ALDOC: variants seen among roughly 807,000 people sequenced by gnomAD.
The protein encoded by ALDOC is fructose-bisphosphate aldolase C.
ALDOC carries 23 observed loss-of-function variants against 39.5 expected under a neutral mutation model. The ratio of observed to expected loss-of-function variants is 0.58; its 90% CI spans 0.42 to 0.82. ALDOC has a LOEUF of 0.82. ALDOC is among the 40% of genes least tolerant of loss of function. ALDOC has a pLI of 0.00. For missense variants in ALDOC, 356 were observed against 479.1 expected, an observed-to-expected ratio of 0.74 and a Z score of 2.40; for synonymous variants, 160 against 182.6, an observed-to-expected ratio of 0.88 and a Z score of 1.00.
At position 28,575,137 on chromosome 17, in the gene ALDOC, C is replaced by T. The variant is rs745471225; in HGVS notation, c.310G>A (p.Val104Ile). 15 of 1,614,060 alleles carry T rather than the reference C, an allele frequency of 9.3e-6. No individual in the cohort carries two copies. The East Asian group carries it at 1.1e-4, about 12-fold the overall frequency. ...AGGGGCTGCACCTTGATGCCCACGACGATGCCCTTATCCTGGATGGTTCGG... is the reference window on the plus strand; with the variant it reads ...AGGGGCTGCACCTTGATGCCCACGATGATGCCCTTATCCTGGATGGTTCGG... The part of the protein sequence containing the change: ...FVRTIQDKGI[V>I]VGIKVDKGVV... The change falls in exon 3 of 9, where the codon GTC (valine) becomes ATC (isoleucine). Residue 104 changes from valine (V) to isoleucine (I), a missense_variant. Physicochemically the swap from Val to Ile is conservative, Grantham distance 29. Coordinates refer to ENST00000226253, the MANE Select transcript of ALDOC (RefSeq NM_005165.3). This position sits in a 1 kb window ranked among gnomAD's most constrained non-coding sequence, Gnocchi z 4.3.
In ALDOC at chr17:28,575,968, C is replaced by T; in HGVS notation, c.-12-424G>A. 1 of 1,016,000 alleles carries T rather than the reference C, an allele frequency of 9.8e-7. No homozygotes were observed. Among genetic ancestry groups the T allele is most frequent in the Non-Finnish European group, 1.2e-6 (1 of 847,264 alleles). The allele number at this position is 1,016,000 out of a possible 1,614,324, so 62.9% of individuals were successfully genotyped here. On this transcript the variant is annotated intron_variant, in intron 1 of 8. Transcript: ENST00000226253. This position sits in a 1 kb window ranked among gnomAD's most constrained non-coding sequence, Gnocchi z 4.3. ...CCCCTAGGGAAAGTGTACTTACTTC[C>T]AAGGCTTCAGAATGAGGCAAAAGTA...
Position 28,573,536 on chromosome 17 carries a change from T to C in ALDOC, c.1085A>G (p.His362Arg). Residue 362 changes from histidine (H) to arginine (R), a missense_variant, in exon 9 of 9, where the codon CAT becomes CGT. Physicochemically the swap from His to Arg is conservative, Grantham distance 29. Transcript: ENST00000226253. This position sits in a 1 kb window ranked among gnomAD's most constrained non-coding sequence, Gnocchi z 4.3. ...AAAQSLYIAN[H>R]AY ...GTATGGAGTGGATACTCAGTAGGCA[T>C]GGTTGGCAATGTAGAGTGACTGTGC... 10 of 1,614,112 alleles carry C rather than the reference T, an allele frequency of 6.2e-6. No individual in the cohort carries two copies. Among genetic ancestry groups the C allele is most frequent in the Non-Finnish European group, 7.6e-6 (9 of 1,179,972 alleles).
Position 28,573,858 on chromosome 17 carries a change from A to C in ALDOC, c.876T>G (p.Leu292=), listed in dbSNP as rs1597589661. 1 of 1,614,194 alleles carries C rather than the reference A, an allele frequency of 6.2e-7. No individual in the cohort carries two copies. Among genetic ancestry groups the C allele is most frequent in the Non-Finnish European group, 8.5e-7 (1 of 1,180,028 alleles). ...FNLNAINRCP[L]PRPWALTFSY... ...AGAAGGTAAGCGCCCAGGGTCGGGG[A>C]AGGGGGCAGCGGTTGATGGCATTGA... Residue 292 remains leucine (L), a synonymous_variant, in exon 8 of 9, where the codon CTT becomes CTG. Coordinates refer to ENST00000226253, the MANE Select transcript of ALDOC (RefSeq NM_005165.3). This position sits in a 1 kb window ranked among gnomAD's most constrained non-coding sequence, Gnocchi z 4.3.
In ALDOC at chr17:28,575,209, A is replaced by G; in HGVS notation, c.238T>C (p.Phe80Leu). Reference protein sequence around the residue: ...VKKCIGGVIFFHETLYQKDDN... With the variant: ...VKKCIGGVIFLHETLYQKDDN... ...TCTTTCTGGTAGAGGGTCTCATGGA[A>G]GAAAATGACGCCTCCAATGCACTTT... Residue 80 changes from phenylalanine (F) to leucine (L), a missense_variant, in exon 3 of 9, where the codon TTC (phenylalanine) becomes CTC (leucine). By Grantham distance (22) the Phe-to-Leu change is conservative. Coordinates refer to ENST00000226253, the MANE Select transcript of ALDOC (RefSeq NM_005165.3). This position sits in a 1 kb window ranked among gnomAD's most constrained non-coding sequence, Gnocchi z 4.3. 6.2e-7 allele frequency: 1 copy of G among 1,614,146 alleles called. No homozygotes were observed. Among genetic ancestry groups the G allele is most frequent in the Non-Finnish European group, 8.5e-7 (1 of 1,180,052 alleles).
Position 28,573,640 on chromosome 17 carries a change from A to C in ALDOC, c.1000-19T>G, listed in dbSNP as rs780510976. 6.2e-7 allele frequency: 1 copy of C among 1,614,116 alleles called. No individual in the cohort carries two copies. Among genetic ancestry groups the C allele is most frequent in the South Asian group, 1.1e-5 (1 of 91,090 alleles). On this transcript the variant is annotated intron_variant, in intron 8 of 8. Coordinates refer to ENST00000226253, the MANE Select transcript of ALDOC (RefSeq NM_005165.3). The surrounding 1 kb of genome is among the most constrained non-coding windows in gnomAD (Gnocchi z 4.3). ...CATTCACCTGCAAAAGGGAGCGTGGAGTAAGCAGGCTGAGCCAGCCCACAG... is the reference window on the plus strand; with the variant it reads ...CATTCACCTGCAAAAGGGAGCGTGGCGTAAGCAGGCTGAGCCAGCCCACAG...
intron 1 of ALDOC, 114 bp downstream of exon 1, chr17:28,576,687 A>C: frequency 3.3e-6 from 2 of 601,300 alleles, no homozygotes; most frequent in Non-Finnish European, 4.2e-6. Context: ...AGATGTTAGG[A>C]AAGGGTCGAA....
Position 28,573,498 on chromosome 17 carries a change from G to A in ALDOC, c.*28C>T. 6.2e-7 allele frequency: 1 copy of A among 1,608,948 alleles called. No homozygotes were observed. Among genetic ancestry groups the A allele is most frequent in the Non-Finnish European group, 8.5e-7 (1 of 1,175,396 alleles). Reference sequence around the variant, plus strand: ...AGCAAAAGTGGGTGCAGATGGCTGGGCCAAGGGCTGTGGTATGGAGTGGAT... The same window carrying A: ...AGCAAAAGTGGGTGCAGATGGCTGGACCAAGGGCTGTGGTATGGAGTGGAT... On this transcript the variant is annotated 3_prime_UTR_variant, in exon 9 of 9. Coordinates refer to ENST00000226253, the MANE Select transcript of ALDOC (RefSeq NM_005165.3). This position sits in a 1 kb window ranked among gnomAD's most constrained non-coding sequence, Gnocchi z 4.3.
In ALDOC at chr17:28,574,237, A is replaced by G. The variant is rs1176633857; in HGVS notation, c.629T>C (p.Leu210Ser). ...ACTCAGGGCCTTGTACACAGCAGCC[A>G]AGACCTGGGTGGGGATTAGAGGAGG... is the stretch of plus-strand genomic sequence containing the variant. The part of the protein sequence containing the change: ...KRCQYVTEKV[L>S]AAVYKALSDH... Residue 210 changes from leucine (L) to serine (S), a missense_variant, in exon 7 of 9, where the codon TTG (leucine) becomes TCG (serine). By Grantham distance (145) the Leu-to-Ser change is moderately radical (BLOSUM62 -2). Coordinates refer to ENST00000226253, the MANE Select transcript of ALDOC (RefSeq NM_005165.3). 2 of 1,585,746 alleles carry G rather than the reference A, an allele frequency of 1.3e-6. No individual in the cohort carries two copies. Among genetic ancestry groups the G allele is most frequent in the African/African-American group, 1.4e-5 (1 of 74,030 alleles).
rs2070498663 is a variant in ALDOC at position 28,576,828 on chromosome 17, C to T, written c.-40G>A. ...GTGCGCAGCCAGTTAGCAGCCGCAGCCACAAGCACAGCTCGGGTTCTGATC... is the reference window on the plus strand; with the variant it reads ...GTGCGCAGCCAGTTAGCAGCCGCAGTCACAAGCACAGCTCGGGTTCTGATC... On this transcript the variant is annotated 5_prime_UTR_variant, in exon 1 of 9. Coordinates refer to ENST00000226253, the MANE Select transcript of ALDOC (RefSeq NM_005165.3). 2.0e-6 allele frequency: 2 copies of T among 985,340 alleles called. No individual in the cohort carries two copies. The highest frequency in any genetic ancestry group is 1.7e-5 in the African/African-American group (1 of 57,240). 61.0% of individuals were successfully genotyped at this position (985,340 alleles called of 1,614,324 possible).
chr17:28,573,859 AG>A lies in ALDOC; in HGVS notation c.874del (p.Leu292PhefsTer43), dbSNP rs1255394962. 6.2e-7 allele frequency: 1 copy of A among 1,614,206 alleles called. No homozygotes were observed. The highest frequency in any genetic ancestry group is 2.2e-5 in the East Asian group (1 of 44,888). ...GAAGGTAAGCGCCCAGGGTCGGGGA[AG>A]GGGGCAGCGGTTGATGGCATTGAGG... ...FNLNAINRCP[L>X]PRPWALTFSY... On this transcript the variant is annotated frameshift_variant, in exon 8 of 9. Transcript: ENST00000226253. LOFTEE classifies it high-confidence loss of function. The surrounding 1 kb of genome is among the most constrained non-coding windows in gnomAD (Gnocchi z 4.3).
chr17:28,574,718 C>A lies in ALDOC; in HGVS notation c.518G>T (p.Arg173Leu). The change falls in exon 5 of 9, where the codon CGT (arginine) becomes CTT (leucine). Residue 173 changes from arginine to leucine, a missense_variant. Physicochemically the swap from Arg to Leu is moderately radical, Grantham distance 102. Coordinates refer to ENST00000226253, the MANE Select transcript of ALDOC (RefSeq NM_005165.3). ...AILENANVLA[R>L]YASICQQNGI... Reference sequence around the variant, plus strand: ...CACCTGCTGGCAGATACTGGCATAACGGGCCAGCACGTTGGCGTTCTCCAG... The same window carrying A: ...CACCTGCTGGCAGATACTGGCATAAAGGGCCAGCACGTTGGCGTTCTCCAG... 1 of 1,614,174 alleles carries A rather than the reference C, an allele frequency of 6.2e-7. No individual in the cohort carries two copies. Among genetic ancestry groups the A allele is most frequent in the South Asian group, 1.1e-5 (1 of 91,086 alleles).
rs1397234622 is a variant in ALDOC, at chr17:28,575,374, G to A, written c.113-40C>T. 6.2e-7 allele frequency: 1 copy of A among 1,614,150 alleles called. No individual in the cohort carries two copies. Among genetic ancestry groups the A allele is most frequent in the Non-Finnish European group, 8.5e-7 (1 of 1,180,022 alleles). On this transcript the variant is annotated intron_variant, in intron 2 of 8. Transcript: ENST00000226253. The surrounding 1 kb of genome is among the most constrained non-coding windows in gnomAD (Gnocchi z 4.3). ...AGAGAGGCAGTGAGAACATCCCCAG[G>A]GTCCCCTAGCCACCTGTACCCTACC...
rs377287523 is a variant in ALDOC, at chr17:28,574,063, G to T, written c.799+4C>A. Reference sequence around the variant, plus strand: ...TAGGAGCAGGTTAGGGAGCTGGGTAGTACCTGGGACAGCTGGGGGCACAGT... The same window carrying T: ...TAGGAGCAGGTTAGGGAGCTGGGTATTACCTGGGACAGCTGGGGGCACAGT... On this transcript the variant is annotated splice_donor_region_variant and intron_variant, in intron 7 of 8. Coordinates refer to ENST00000226253, the MANE Select transcript of ALDOC (RefSeq NM_005165.3). 2 of 1,595,430 alleles carry T rather than the reference G, an allele frequency of 1.3e-6. No individual in the cohort carries two copies. The highest frequency in any genetic ancestry group is 1.7e-4 in the Middle Eastern group (1 of 5,970).
chr17:28,575,165 GA>G lies in ALDOC; in HGVS notation c.281del (p.Phe94SerfsTer23). On this transcript the variant is annotated frameshift_variant, in exon 3 of 9. Coordinates refer to ENST00000226253, the MANE Select transcript of ALDOC (RefSeq NM_005165.3). LOFTEE classifies it high-confidence loss of function. This position sits in a 1 kb window ranked among gnomAD's most constrained non-coding sequence, Gnocchi z 4.3. ...TGCCCTTATCCTGGATGGTTCGGAC[GA>G]AGGGAACACCATTATCATCTTTCTG... is the stretch of plus-strand genomic sequence containing the variant. ...LYQKDDNGVP[F>X]VRTIQDKGIV... 1 of 1,614,166 alleles carries G rather than the reference GA, an allele frequency of 6.2e-7. No individual in the cohort carries two copies. The highest frequency in any genetic ancestry group is 2.2e-5 in the East Asian group (1 of 44,886).
intron 7 of ALDOC, 60 bp downstream of exon 7, chr17:28,574,007 A>C: frequency 6.2e-7 from 1 of 1,605,778 alleles, no homozygotes; most frequent in Non-Finnish European, 8.5e-7. Context: ...CCTGAAGGCC[A>C]CAAGAAGGAC....
chr17:28,574,616 G>A (rs774924303), intron 5 of ALDOC, 39 bp from the exon 6 acceptor site: 13 of 1,613,678 alleles, frequency 8.1e-6, no homozygotes, highest in African/African-American at 1.3e-5. Flanking sequence ...GGGGCAGTAG[G>A]GGAGATGAAG....
At position 28,575,583 on chromosome 17, in the gene ALDOC, T is replaced by G; in HGVS notation, c.-12-39A>C. 1 of 1,591,686 alleles carries G rather than the reference T, an allele frequency of 6.3e-7. No homozygotes were observed. The highest frequency in any genetic ancestry group is 1.7e-5 in the Admixed American group (1 of 57,648). On this transcript the variant is annotated intron_variant, in intron 1 of 8. Transcript: ENST00000226253. This position sits in a 1 kb window ranked among gnomAD's most constrained non-coding sequence, Gnocchi z 4.3. ...AAGATAAAAAAGCCAGACCTCACCC[T>G]CTGCTGCCTCTCCTGGCCAGATGGG...
At position 28,573,547 on chromosome 17, in the gene ALDOC, G is replaced by A. The variant is rs1360823559; in HGVS notation, c.1074C>T (p.Tyr358=). 6.2e-7 allele frequency: 1 copy of A among 1,614,100 alleles called. No individual in the cohort carries two copies. Among genetic ancestry groups the A allele is most frequent in the Non-Finnish European group, 8.5e-7 (1 of 1,180,028 alleles). The change falls in exon 9 of 9, where the codon TAC becomes TAT. Residue 358 remains tyrosine (Y), a synonymous_variant. Coordinates refer to ENST00000226253, the MANE Select transcript of ALDOC (RefSeq NM_005165.3). This position sits in a 1 kb window ranked among gnomAD's most constrained non-coding sequence, Gnocchi z 4.3. ...ATACTCAGTAGGCATGGTTGGCAAT[G>A]TAGAGTGACTGTGCTGCTGCTCCAC... ...EDGGAAAQSL[Y]IANHAY
Position 28,575,015 on chromosome 17 carries a change from G to A in ALDOC, c.325-9C>T, listed in dbSNP as rs978901341. The A allele has an allele frequency of 2.5e-6, 4 of 1,614,180 alleles. No homozygotes were observed. Among genetic ancestry groups the A allele is most frequent in the Non-Finnish European group, 3.4e-6 (4 of 1,180,036 alleles). On this transcript the variant is annotated splice_polypyrimidine_tract_variant and intron_variant, in intron 3 of 8. Transcript: ENST00000226253. This position sits in a 1 kb window ranked among gnomAD's most constrained non-coding sequence, Gnocchi z 4.3. ...ACCACACCCTTGTCAACCTGTAGAG[G>A]AAGTACAAGCAGAGGGTTGAATCCA...
Sources: allele counts gnomAD v4.1 joint callset, GRCh38; gene constraint gnomAD v4.1.1; non-coding constraint Gnocchi (gnomAD v3.1); transcripts MANE v1.5; gene names NCBI Gene and HGNC (gene_info 2026-07-23, HGNC 2026-07-21).